Variants in SLC14A2 observed in about 807,000 individuals in gnomAD.
SLC14A2 encodes the protein urea transporter 2.
SLC14A2 carries 91 observed loss-of-function variants against 104.6 expected under a neutral mutation model. The ratio of observed to expected loss-of-function variants is 0.87; its 90% CI spans 0.73 to 1.04. The LOEUF is 1.04. SLC14A2 is among the 50% of genes least tolerant of loss of function. The probability of loss-of-function intolerance (pLI) is 0.00; values close to 1 mark genes in which losing one functional copy is unlikely to be tolerated. For missense variants in SLC14A2, 1,189 were observed against 1,156.0 expected (o/e 1.03, Z -0.41); for synonymous variants, 476 against 466.4 (o/e 1.02, Z -0.27).
intron 1 of SLC14A2, among the ~76,000 whole-genome samples, chr18:45,329,341 G>A (rs893906204): frequency 1.3e-5 from 2 of 152,166 alleles, no homozygotes; most frequent in Admixed American, 6.5e-5. Context: ...TAGGGATGAT[G>A]AGTGTGTATG....
At chr18:45,352,212 T>G (rs893318965) in intron 1 of SLC14A2, among the ~76,000 whole-genome samples, 1 of 152,062 alleles carries the variant, frequency 6.6e-6, no homozygotes, top group Non-Finnish European at 1.5e-5. Context: ...AGGCAAACAC[T>G]GAGTTGAGTC....
intron 5 of SLC14A2, chr18:45,634,877 T>C (rs918884945): frequency 2.2e-6 from 1 of 456,922 alleles, no homozygotes; most frequent in African/African-American, 2.0e-5. Context: ...TCTGCTACAA[T>C]AATCCACAAT....
At chr18:45,398,899 TA>T (rs1270119609) in intron 1 of SLC14A2, among the ~76,000 whole-genome samples, 1 of 152,166 alleles carries the variant, frequency 6.6e-6, no homozygotes, top group Non-Finnish European at 1.5e-5. Context: ...GTTCTGGAGA[TA>T]GGTGGTAGTA....
chr18:45,200,881 C>G, the SLC14A2 span, among the ~76,000 whole-genome samples: 1 of 152,054 alleles, frequency 6.6e-6, no homozygotes, highest in African/African-American at 2.4e-5. Context: ...TTATTATAAT[C>G]AATAAACAAA....
chr18:45,674,768 G>T (rs2046199814), intron 18 of SLC14A2, among the ~76,000 whole-genome samples: 2 of 152,192 alleles, frequency 1.3e-5, no homozygotes, highest in Admixed American at 1.3e-4. Flanking sequence ...GAAAAGTTGT[G>T]TCAAAGAGCA....
chr18:45,359,125 A>G (rs1377899216), intron 1 of SLC14A2, among the ~76,000 whole-genome samples: 2 of 152,128 alleles, frequency 1.3e-5, no homozygotes, highest in African/African-American at 2.4e-5. Flanking sequence ...CAGCAATCCA[A>G]TGCCTTAAAG....
At chr18:45,661,892 T>A (rs1303471833) in intron 10 of SLC14A2, among the ~76,000 whole-genome samples, 2 of 152,190 alleles carry the variant, frequency 1.3e-5, no homozygotes, top group Non-Finnish European at 1.5e-5. Flanking sequence ...GGGGCACTTC[T>A]CAGTCTTGGG....
chr18:45,236,601 ATATT>A (rs2084256701), intron 1 of SLC14A2, among the ~76,000 whole-genome samples: 1 of 149,652 alleles, frequency 6.7e-6, no homozygotes, highest in Non-Finnish European at 1.5e-5. Context: ...GAAAAAGTAT[ATATT>A]CATGTGTGTG....
chr18:45,447,825 T>C (rs1407825912), intron 1 of SLC14A2, among the ~76,000 whole-genome samples: 1 of 152,226 alleles, frequency 6.6e-6, no homozygotes. Context: ...CTGAATTTTC[T>C]TTTAGTGGTA....
chr18:45,476,412 A>G (rs1320804115), intron 1 of SLC14A2, among the ~76,000 whole-genome samples: 1 of 152,084 alleles, frequency 6.6e-6, no homozygotes, highest in Admixed American at 6.5e-5. Context: ...TGCCCTTAAC[A>G]TTTTTTCCTT....
chr18:45,564,562 C>A (rs184653074), intron 2 of SLC14A2, among the ~76,000 whole-genome samples: 1 of 152,330 alleles, frequency 6.6e-6, no homozygotes, highest in East Asian at 1.9e-4. Context: ...ACAGCCCCAG[C>A]TCAACTGCCC....
intron 2 of SLC14A2, among the ~76,000 whole-genome samples, chr18:45,571,214 CCAGGA>C (rs2044340964): frequency 6.6e-6 from 1 of 152,218 alleles, no homozygotes; most frequent in Admixed American, 6.5e-5. Flanking sequence ...ATAACGGAGG[CCAGGA>C]CAGGACACAT....
At chr18:45,531,738 C>T (rs1403120376) in intron 2 of SLC14A2, among the ~76,000 whole-genome samples, 1 of 152,032 alleles carries the variant, frequency 6.6e-6, no homozygotes, top group Non-Finnish European at 1.5e-5. Flanking sequence ...GCTTTTGTTG[C>T]CATTGCTTTT....
intron 1 of SLC14A2, among the ~76,000 whole-genome samples, chr18:45,383,286 A>C (rs1345306405): frequency 6.6e-6 from 1 of 152,182 alleles, no homozygotes; most frequent in African/African-American, 2.4e-5. Flanking sequence ...ATGCGCAGAA[A>C]ATGGAAGCAA....
At chr18:45,429,524 C>T (rs1406767841) in intron 1 of SLC14A2, among the ~76,000 whole-genome samples, 1 of 152,226 alleles carries the variant, frequency 6.6e-6, no homozygotes, top group Admixed American at 6.5e-5. Context: ...TCTAGCCCAT[C>T]ACTTGATTCC....
intron 2 of SLC14A2, among the ~76,000 whole-genome samples, chr18:45,543,030 C>G (rs1033613558): frequency 6.6e-6 from 1 of 152,016 alleles, no homozygotes; most frequent in Non-Finnish European, 1.5e-5. Context: ...CTCACTGTAA[C>G]CTCCGCTTCC....
intron 1 of SLC14A2, among the ~76,000 whole-genome samples, chr18:45,444,722 C>T (rs1195665842): frequency 1.3e-5 from 2 of 152,162 alleles, no homozygotes; most frequent in Admixed American, 6.5e-5. Context: ...AATCAGAAAT[C>T]ATGCCATCAT....
chr18:45,575,725 A>G (rs375475667), intron 2 of SLC14A2, among the ~76,000 whole-genome samples: 4 of 152,310 alleles, frequency 2.6e-5, no homozygotes, highest in African/African-American at 9.6e-5. Flanking sequence ...GTTTAAATAT[A>G]AATCAAAATA....
chr18:45,463,203 C>G (rs1370710813), intron 1 of SLC14A2, among the ~76,000 whole-genome samples: 3 of 152,188 alleles, frequency 2.0e-5, no homozygotes, highest in Non-Finnish European at 4.4e-5. Context: ...ACTCCCTTTG[C>G]TACCTTAATC....
Sources: gnomAD v4.1 joint callset for allele counts (sites outside exome capture counted in the v4.1 genomes callset) on GRCh38, gnomAD v4.1.1 for gene constraint, MANE v1.5 for transcripts, NCBI Gene and HGNC (gene_info 2026-07-23, HGNC 2026-07-21) for gene names.